OPCML: variants seen among roughly 807,000 people sequenced by gnomAD.
OPCML encodes opioid-binding protein/cell adhesion molecule.
Under a neutral mutation model 37.8 loss-of-function variants are expected in OPCML, and 13 were observed. That is an observed-to-expected ratio of 0.34 (90% CI 0.22 to 0.55). OPCML has a LOEUF of 0.55. OPCML is among the 20% of genes least tolerant of loss of function. The pLI is 0.91. For synonymous variants in OPCML, 176 were observed against 168.8 expected, an observed-to-expected ratio of 1.04 and a Z score of -0.33; for missense variants, 341 against 435.6, an observed-to-expected ratio of 0.78 and a Z score of 1.93.
intron 1 of OPCML, among the ~76,000 whole-genome samples, chr11:133,328,409 C>T (rs540567604): frequency 5.3e-5 from 8 of 152,122 alleles, no homozygotes; most frequent in Non-Finnish European, 1.0e-4. Context: ...CCACCTGCCT[C>T]GGCCTCCCAA....
At chr11:132,774,127 C>T (rs530155920) in intron 2 of OPCML, among the ~76,000 whole-genome samples, 13 of 152,228 alleles carry the variant, frequency 8.5e-5, no homozygotes, top group Admixed American at 3.3e-4. Context: ...TCATTTTGAA[C>T]AGACTGTACT....
At chr11:132,606,419 G>A (rs1015618754) in intron 3 of OPCML, among the ~76,000 whole-genome samples, 5 of 152,046 alleles carry the variant, frequency 3.3e-5, no homozygotes, top group South Asian at 2.1e-4. Context: ...TTAGACCTCC[G>A]CTGCCTGATT....
At position 132,669,020 on chromosome 11, in the gene OPCML, T is replaced by C. The variant is rs1319522936; in HGVS notation, c.147-11701A>G. 2.0e-5 allele frequency among the ~76,000 whole-genome samples: 3 copies of C among 152,086 alleles called. No homozygotes were observed. The East Asian group carries it at 5.8e-4, about 29-fold the overall frequency. ...CACAGTGTGTTGACACAGTGGTTGA[T>C]GGGCTGGTTTCTAGATTGATGTCCT... On this transcript the variant is annotated intron_variant, in intron 2 of 7. Transcript: ENST00000524381.
rs547137911 is a variant in OPCML at position 133,142,699 on chromosome 11, G to T, written c.62-199689C>A. ...GCCTATTTCCACTGACACACTGAAT[G>T]GTTGATAAATAAGAGGTGTGAAGGA... On this transcript the variant is annotated intron_variant, in intron 1 of 7. Transcript: ENST00000524381. Among the ~76,000 whole-genome samples the T allele has an allele frequency of 9.9e-5, 15 of 152,220 alleles. No homozygotes were observed. In the East Asian group the frequency reaches 2.9e-3, roughly 30 times the overall value.
At chr11:133,238,789 T>C (rs1230472764) in intron 1 of OPCML, among the ~76,000 whole-genome samples, 1 of 152,224 alleles carries the variant, frequency 6.6e-6, no homozygotes, top group African/African-American at 2.4e-5. Flanking sequence ...CAGTATTCTG[T>C]GTTCATTAGT....
At chr11:132,670,264 G>C (rs913235571) in intron 2 of OPCML, among the ~76,000 whole-genome samples, 1 of 152,124 alleles carries the variant, frequency 6.6e-6, no homozygotes, top group African/African-American at 2.4e-5. Context: ...GCGCAAGTCA[G>C]CCACAGGCTC....
At chr11:133,333,810 C>T in intron 1 of OPCML, among the ~76,000 whole-genome samples, 1 of 151,970 alleles carries the variant, frequency 6.6e-6, no homozygotes, top group African/African-American at 2.4e-5. Flanking sequence ...AACAAAAAAC[C>T]CCATTGAAAA....
At chr11:133,041,503 T>C (rs1306029068) in intron 1 of OPCML, among the ~76,000 whole-genome samples, 2 of 152,258 alleles carry the variant, frequency 1.3e-5, no homozygotes, top group African/African-American at 2.4e-5. Flanking sequence ...CATCTAGAAG[T>C]AGATGAGGAA....
At chr11:133,294,622 C>T (rs906585954) in intron 1 of OPCML, among the ~76,000 whole-genome samples, 20 of 151,928 alleles carry the variant, frequency 1.3e-4, no homozygotes, top group African/African-American at 4.6e-4. Flanking sequence ...ATTCACACCC[C>T]CATTTGAAAC....
intron 1 of OPCML, among the ~76,000 whole-genome samples, chr11:133,485,573 C>T (rs1470783235): frequency 6.6e-6 from 1 of 152,108 alleles, no homozygotes; most frequent in African/African-American, 2.4e-5. Flanking sequence ...ATATAAATAC[C>T]CATAACATTA....
chr11:133,454,929 CA>C (rs1333364964), intron 1 of OPCML, among the ~76,000 whole-genome samples: 2 of 152,128 alleles, frequency 1.3e-5, no homozygotes, highest in Non-Finnish European at 2.9e-5. Flanking sequence ...CAGTTTTTCT[CA>C]TCACTTATTT....
At chr11:132,970,792 A>T (rs1301333987) in intron 1 of OPCML, among the ~76,000 whole-genome samples, 1 of 152,090 alleles carries the variant, frequency 6.6e-6, no homozygotes, top group Non-Finnish European at 1.5e-5. Flanking sequence ...CTTAAATCTT[A>T]CCTTCCTCTA....
intron 2 of OPCML, among the ~76,000 whole-genome samples, chr11:132,845,904 G>C (rs1304004852): frequency 2.0e-5 from 3 of 152,120 alleles, no homozygotes; most frequent in Admixed American, 1.3e-4. Context: ...CCTGATGCCT[G>C]GCTGGGATAC....
At chr11:133,141,015 C>CGAAGAAGAAGAA (rs1217105956) in intron 1 of OPCML, among the ~76,000 whole-genome samples, 1 of 7,660 alleles carries the variant, frequency 1.3e-4, no homozygotes, top group African/African-American at 3.0e-4. Context: ...ACGACGACGA[C>CGAAGAAGAAGAA]GACGACGACG....
intron 1 of OPCML, among the ~76,000 whole-genome samples, chr11:133,094,600 T>C (rs1948968649): frequency 6.6e-6 from 1 of 152,196 alleles, no homozygotes; most frequent in Non-Finnish European, 1.5e-5. Context: ...GACTATATTC[T>C]GCAGCTTCTA....
At chr11:132,469,528 G>A (rs558802318) in intron 4 of OPCML, among the ~76,000 whole-genome samples, 1 of 149,282 alleles carries the variant, frequency 6.7e-6, no homozygotes, top group South Asian at 2.2e-4. Context: ...TGGGGTGTGT[G>A]TGTATGTATG....
chr11:132,698,059 G>T (rs1483886159), intron 2 of OPCML, among the ~76,000 whole-genome samples: 1 of 145,496 alleles, frequency 6.9e-6, no homozygotes, highest in African/African-American at 2.6e-5. Flanking sequence ...TGTTGCCCTG[G>T]GCCCAAGTAA....
chr11:132,739,710 T>C (rs1945376807), intron 2 of OPCML, among the ~76,000 whole-genome samples: 1 of 152,180 alleles, frequency 6.6e-6, no homozygotes, highest in Admixed American at 6.5e-5. Flanking sequence ...AGGATAAAAA[T>C]TTGTGTTCAT....
intron 2 of OPCML, among the ~76,000 whole-genome samples, chr11:132,735,894 C>G (rs934539961): frequency 6.6e-6 from 1 of 151,974 alleles, no homozygotes; most frequent in Non-Finnish European, 1.5e-5. Flanking sequence ...CAAGAAGCAG[C>G]TGGAAAAAGA....
Sources: allele counts gnomAD v4.1 joint callset (sites outside exome capture counted in the v4.1 genomes callset), GRCh38; gene constraint gnomAD v4.1.1; transcripts MANE v1.5; gene names NCBI Gene and HGNC (gene_info 2026-07-23, HGNC 2026-07-21).